Variants in GUCY1A2 observed in about 807,000 individuals in gnomAD.
GUCY1A2 encodes the protein guanylate cyclase 1 soluble subunit alpha 2.
GUCY1A2 carries 27 observed loss-of-function variants against 63.5 expected under a neutral mutation model. The observed-to-expected ratio is 0.43, with a 90% CI of 0.31 to 0.59. The LOEUF is 0.59. Among genes scored for constraint, GUCY1A2 ranks in the 20% least tolerant of loss-of-function variants. The pLI is 0.11. For missense variants in GUCY1A2, 768 were observed against 913.3 expected, an observed-to-expected ratio of 0.84 and a Z score of 2.05; for synonymous variants, 364 against 343.5, an observed-to-expected ratio of 1.06 and a Z score of -0.66.
At chr11:106,938,257 A>AT (rs1183359727) in intron 4 of GUCY1A2, among the ~76,000 whole-genome samples, 2 of 152,106 alleles carry the variant, frequency 1.3e-5, no homozygotes, top group Admixed American at 1.3e-4. Flanking sequence ...TTTCTCGAAT[A>AT]TTTTTTTTAA....
intron 4 of GUCY1A2, among the ~76,000 whole-genome samples, chr11:106,868,532 A>G (rs1335733576): frequency 6.6e-6 from 1 of 152,188 alleles, no homozygotes; most frequent in Non-Finnish European, 1.5e-5. Context: ...TAAAATACCT[A>G]GGAATCCAAC....
intron 1 of GUCY1A2, among the ~76,000 whole-genome samples, chr11:107,002,497 T>A (rs1033259516): frequency 6.6e-6 from 1 of 151,942 alleles, no homozygotes; most frequent in East Asian, 1.9e-4. Context: ...CAAAACAAGC[T>A]AATACAAACA....
chr11:106,872,136 C>T (rs545033197), intron 4 of GUCY1A2, among the ~76,000 whole-genome samples: 1 of 152,166 alleles, frequency 6.6e-6, no homozygotes, highest in Non-Finnish European at 1.5e-5. Flanking sequence ...GGCAATTATG[C>T]TAGACCAAAA....
chr11:106,810,712 A>G (rs1232227910), intron 4 of GUCY1A2, among the ~76,000 whole-genome samples: 1 of 152,140 alleles, frequency 6.6e-6, no homozygotes, highest in Non-Finnish European at 1.5e-5. Context: ...AATGAAATGG[A>G]AAGTGAGATC....
chr11:106,889,528 G>A (rs1859946931), intron 4 of GUCY1A2, among the ~76,000 whole-genome samples: 1 of 152,148 alleles, frequency 6.6e-6, no homozygotes, highest in Non-Finnish European at 1.5e-5. Context: ...AAAATCCAGT[G>A]CTAACACATT....
At chr11:106,863,918 T>C (rs1434786362) in intron 4 of GUCY1A2, among the ~76,000 whole-genome samples, 41 of 152,162 alleles carry the variant, frequency 2.7e-4, no homozygotes, top group Admixed American at 2.6e-3. Context: ...AGTTCACTCA[T>C]GATTTGGCTG....
chr11:106,867,931 T>C (rs552881437), intron 4 of GUCY1A2, among the ~76,000 whole-genome samples: 1 of 152,136 alleles, frequency 6.6e-6, no homozygotes, highest in South Asian at 2.1e-4. Context: ...TCCAAATTTA[T>C]TATTGAATTT....
At chr11:106,743,355 C>A (rs1187167416) in intron 6 of GUCY1A2, among the ~76,000 whole-genome samples, 4 of 152,132 alleles carry the variant, frequency 2.6e-5, no homozygotes, top group Non-Finnish European at 5.9e-5. Context: ...ATTAGCTCCA[C>A]CCACATATGG....
chr11:106,763,850 G>A (rs555607266), intron 6 of GUCY1A2, among the ~76,000 whole-genome samples: 2 of 152,008 alleles, frequency 1.3e-5, no homozygotes, highest in South Asian at 2.1e-4. Context: ...AGTGCTTTTC[G>A]TTACGTAAAT....
intron 2 of GUCY1A2, among the ~76,000 whole-genome samples, chr11:106,985,798 C>T (rs376982852): frequency 7.2e-5 from 11 of 151,766 alleles, no homozygotes; most frequent in African/African-American, 1.9e-4. Context: ...GATTCAACAT[C>T]GGAATAAAAG....
chr11:106,770,874 C>T (rs1391875293), intron 6 of GUCY1A2, among the ~76,000 whole-genome samples: 1 of 148,496 alleles, frequency 6.7e-6, no homozygotes, highest in Admixed American at 6.7e-5. Context: ...TTTCTCATAG[C>T]ATTTCCCTGA....
At chr11:106,824,435 A>C (rs1399575195) in intron 4 of GUCY1A2, among the ~76,000 whole-genome samples, 1 of 152,102 alleles carries the variant, frequency 6.6e-6, no homozygotes, top group Non-Finnish European at 1.5e-5. Context: ...TTTAATATCT[A>C]ATTTTGTTAT....
chr11:106,972,627 G>A (rs1205017588), intron 3 of GUCY1A2, among the ~76,000 whole-genome samples: 1 of 152,030 alleles, frequency 6.6e-6, no homozygotes, highest in African/African-American at 2.4e-5. Context: ...AATTTAGCAG[G>A]ACAAATGGGA....
chr11:106,930,454 C>A (rs982888419), intron 4 of GUCY1A2, among the ~76,000 whole-genome samples: 3 of 152,184 alleles, frequency 2.0e-5, no homozygotes, highest in Admixed American at 1.3e-4. Context: ...TATTCTTAAT[C>A]ATACACAATA....
At chr11:107,008,170 C>G (rs1028510069) in intron 1 of GUCY1A2, among the ~76,000 whole-genome samples, 1 of 148,258 alleles carries the variant, frequency 6.7e-6, no homozygotes, top group Admixed American at 7.4e-5. Flanking sequence ...TTCCAACTAC[C>G]CAGGAGGCTG....
intron 4 of GUCY1A2, among the ~76,000 whole-genome samples, chr11:106,914,686 A>C (rs1458708607): frequency 6.6e-6 from 1 of 151,912 alleles, no homozygotes; most frequent in Non-Finnish European, 1.5e-5. Flanking sequence ...AGAAATAATT[A>C]CAAGAGAAAA....
chr11:106,841,278 G>A (rs79287415), intron 4 of GUCY1A2, among the ~76,000 whole-genome samples: 4,271 of 151,780 alleles, frequency 0.028, 194 homozygotes, highest in African/African-American at 0.096. Context: ...TAAATGCTTC[G>A]AGGAGGCTTT....
At chr11:106,891,464 T>C (rs1013905127) in intron 4 of GUCY1A2, among the ~76,000 whole-genome samples, 1 of 152,154 alleles carries the variant, frequency 6.6e-6, no homozygotes, top group Non-Finnish European at 1.5e-5. Context: ...TTTCTAATTG[T>C]TTTCTGTTAT....
chr11:106,792,012 G>C (rs555882728), intron 5 of GUCY1A2, among the ~76,000 whole-genome samples: 3 of 152,098 alleles, frequency 2.0e-5, no homozygotes, highest in Admixed American at 6.5e-5. Flanking sequence ...AAAAAACTTA[G>C]GGCCAGCATC....
Sources: allele counts gnomAD v4.1 joint callset (sites outside exome capture counted in the v4.1 genomes callset), GRCh38; gene constraint gnomAD v4.1.1; transcripts MANE v1.5; gene names NCBI Gene and HGNC (gene_info 2026-07-23, HGNC 2026-07-21).